Variants in TMEM135 observed in about 807,000 individuals in gnomAD.
TMEM135 encodes transmembrane protein 135.
A neutral mutation model predicts 60.3 loss-of-function variants in TMEM135; 30 were observed. The ratio of observed to expected loss-of-function variants is 0.50; its 90% CI spans 0.37 to 0.68. The LOEUF is 0.68. Among genes scored for constraint, TMEM135 ranks in the 30% least tolerant of loss-of-function variants. TMEM135 has a pLI of 0.00. For synonymous variants in TMEM135, 190 were observed against 186.7 expected (o/e 1.02, Z -0.14); for missense variants, 468 against 548.8 (o/e 0.85, Z 1.47).
intron 2 of TMEM135, among the ~76,000 whole-genome samples, chr11:87,070,804 A>T (rs1856761579): frequency 6.6e-6 from 1 of 152,262 alleles, no homozygotes; most frequent in African/African-American, 2.4e-5. Context: ...AAAATACTTT[A>T]GTAAATGCTG....
chr11:87,180,617 A>G (rs1268944414), intron 5 of TMEM135, among the ~76,000 whole-genome samples: 4 of 152,174 alleles, frequency 2.6e-5, no homozygotes, highest in African/African-American at 9.7e-5. Flanking sequence ...TAACTGAACT[A>G]CATTGTAGAC....
intron 7 of TMEM135, among the ~76,000 whole-genome samples, chr11:87,298,632 C>T (rs1942389027): frequency 6.6e-6 from 1 of 151,038 alleles, no homozygotes; most frequent in Admixed American, 6.6e-5. Context: ...ATTAAAAATA[C>T]AAAAATTAGC....
intron 1 of TMEM135, among the ~76,000 whole-genome samples, chr11:87,067,471 G>A (rs1348670292): frequency 6.6e-6 from 1 of 151,832 alleles, no homozygotes; most frequent in Non-Finnish European, 1.5e-5. Flanking sequence ...ATTATTCAAC[G>A]TATGACCCAT....
chr11:87,162,611 A>G (rs561256755), intron 5 of TMEM135, among the ~76,000 whole-genome samples: 1 of 152,270 alleles, frequency 6.6e-6, no homozygotes, highest in Admixed American at 6.5e-5. Context: ...TTCTTTATCC[A>G]GTCTATCACT....
intron 1 of TMEM135, among the ~76,000 whole-genome samples, chr11:87,046,987 C>G (rs1386902887): frequency 6.6e-6 from 1 of 152,086 alleles, no homozygotes; most frequent in Non-Finnish European, 1.5e-5. Context: ...GGATAAAATA[C>G]CTATCTATTA....
At chr11:87,210,140 G>A (rs560942378) in intron 5 of TMEM135, among the ~76,000 whole-genome samples, 3 of 152,172 alleles carry the variant, frequency 2.0e-5, no homozygotes, top group African/African-American at 7.2e-5. Context: ...CAACCCCAAA[G>A]CTAGCAGAAG....
intron 5 of TMEM135, among the ~76,000 whole-genome samples, chr11:87,199,969 TAGAGA>T (rs1380317625): frequency 9.9e-5 from 15 of 152,144 alleles, no homozygotes; most frequent in African/African-American, 3.6e-4. Context: ...GTAAAGCCAT[TAGAGA>T]AATTTGCCAT....
intron 6 of TMEM135, among the ~76,000 whole-genome samples, chr11:87,290,670 G>A (rs1368777138): frequency 6.6e-6 from 1 of 152,082 alleles, no homozygotes; most frequent in African/African-American, 2.4e-5. Flanking sequence ...ATACTTTCCT[G>A]TACATAGTAT....
intron 6 of TMEM135, among the ~76,000 whole-genome samples, chr11:87,292,570 A>T (rs377079306): frequency 6.6e-6 from 1 of 152,046 alleles, no homozygotes; most frequent in South Asian, 2.1e-4. Flanking sequence ...TTGAACACGG[A>T]TTACAATTGT....
intron 6 of TMEM135, among the ~76,000 whole-genome samples, chr11:87,245,043 A>G (rs1204751872): frequency 6.9e-6 from 1 of 143,926 alleles, no homozygotes; most frequent in Non-Finnish European, 1.5e-5. Flanking sequence ...AGATTGTGGT[A>G]TGTTGTATCT....
At chr11:87,091,868 T>G (rs1365939266) in intron 4 of TMEM135, among the ~76,000 whole-genome samples, 2 of 151,920 alleles carry the variant, frequency 1.3e-5, no homozygotes, top group African/African-American at 4.8e-5. Context: ...GGCTTCCAAA[T>G]TTTTAAGTTT....
chr11:87,141,188 T>C (rs1193188555), intron 4 of TMEM135, among the ~76,000 whole-genome samples: 2 of 152,152 alleles, frequency 1.3e-5, no homozygotes, highest in Non-Finnish European at 2.9e-5. Flanking sequence ...TTTGAGGAGA[T>C]TTGATAATAT....
intron 4 of TMEM135, among the ~76,000 whole-genome samples, chr11:87,119,592 A>G (rs1857988571): frequency 6.6e-6 from 1 of 152,260 alleles, no homozygotes; most frequent in South Asian, 2.1e-4. Flanking sequence ...AATCCCAGCT[A>G]CGCTAGTATC....
intron 6 of TMEM135, among the ~76,000 whole-genome samples, chr11:87,290,584 C>T (rs768239026): frequency 6.6e-6 from 1 of 152,092 alleles, no homozygotes; most frequent in African/African-American, 2.4e-5. Flanking sequence ...ATTTTACTAT[C>T]ATTTACACTT....
chr11:87,307,380 CAAAA>C (rs5793247), intron 9 of TMEM135, among the ~76,000 whole-genome samples: 2 of 137,922 alleles, frequency 1.5e-5, no homozygotes, highest in Non-Finnish European at 3.1e-5. Context: ...TTAAAGTGGC[CAAAA>C]AAAAAAAAAA....
At chr11:87,239,962 CAT>C (rs1206604272) in intron 6 of TMEM135, among the ~76,000 whole-genome samples, 10 of 152,012 alleles carry the variant, frequency 6.6e-5, no homozygotes, top group Non-Finnish European at 1.2e-4. Context: ...TATATTATCT[CAT>C]ATGTTATAAT....
intron 6 of TMEM135, among the ~76,000 whole-genome samples, chr11:87,288,121 G>A (rs1258078972): frequency 1.3e-5 from 2 of 152,012 alleles, no homozygotes; most frequent in African/African-American, 2.4e-5. Flanking sequence ...GGTTTTATAC[G>A]TATCCTATTA....
intron 5 of TMEM135, among the ~76,000 whole-genome samples, chr11:87,189,747 C>G (rs1323303055): frequency 1.7e-5 from 2 of 118,130 alleles, no homozygotes; most frequent in Non-Finnish European, 3.9e-5. Context: ...TAGTGAGATC[C>G]CGTCTCCACA....
chr11:87,077,031 C>T (rs550487965), intron 3 of TMEM135, among the ~76,000 whole-genome samples: 22 of 152,280 alleles, frequency 1.4e-4, no homozygotes, highest in African/African-American at 5.3e-4. Flanking sequence ...CATGTCTATG[C>T]AGTTTGTTCC....
Sources: gnomAD v4.1 joint callset for allele counts (sites outside exome capture counted in the v4.1 genomes callset) on GRCh38, gnomAD v4.1.1 for gene constraint, MANE v1.5 for transcripts, NCBI Gene and HGNC (gene_info 2026-07-23, HGNC 2026-07-21) for gene names.